The following CRIM1 variants were observed in gnomAD, a reference collection of about 807,000 sequenced individuals.
CRIM1 encodes the protein cysteine-rich motor neuron 1 protein.
In CRIM1, 32 loss-of-function variants were observed where a neutral mutation model predicts 116.4. The ratio of observed to expected loss-of-function variants is 0.27; its 90% CI spans 0.21 to 0.37. CRIM1 has a LOEUF of 0.37. Ranked by LOEUF, CRIM1 falls within the 10% of genes least tolerant of loss-of-function variation. CRIM1 has a pLI of 1.00. For missense variants in CRIM1, 1,331 were observed against 1,354.8 expected, an observed-to-expected ratio of 0.98 and a Z score of 0.28; for synonymous variants, 590 against 509.2, an observed-to-expected ratio of 1.16 and a Z score of -2.13.
rs4670559 is a variant in CRIM1, at chr2:36,445,529, A to G, written c.869+2794A>G. 7.7e-3 allele frequency among the ~76,000 whole-genome samples: 1,172 copies of G among 152,346 alleles called. 13 individuals are homozygous for G. Among genetic ancestry groups the G allele is most frequent in the Admixed American group, 0.043 (651 of 15,306 alleles). ...ATCGACTTTCATACATTGTTACTGA[A>G]TTGTCGAATGCGTGAAGTCTTGTCT... On this transcript the variant is annotated intron_variant, in intron 4 of 16. Coordinates refer to ENST00000280527, the MANE Select transcript of CRIM1 (RefSeq NM_016441.3).
intron 4 of CRIM1, among the ~76,000 whole-genome samples, chr2:36,456,854 G>A (rs3770874): frequency 0.5 from 75,434 of 151,216 alleles, 19,892 homozygotes; most frequent in African/African-American, 0.69. Flanking sequence ...AGCCACTCAC[G>A]TCAAGGTAGT....
chr2:36,385,872 G>A (rs1671131078), intron 1 of CRIM1, among the ~76,000 whole-genome samples: 1 of 152,176 alleles, frequency 6.6e-6, no homozygotes, highest in African/African-American at 2.4e-5. Flanking sequence ...CCAGTGTCTG[G>A]CACATAGAAA....
At chr2:36,364,288 A>G (rs1669441735) in intron 1 of CRIM1, among the ~76,000 whole-genome samples, 1 of 152,246 alleles carries the variant, frequency 6.6e-6, no homozygotes, top group East Asian at 1.9e-4. Context: ...ACCTATGTAT[A>G]CAGCATGTAT....
At chr2:36,361,242 G>A (rs766032629) in intron 1 of CRIM1, among the ~76,000 whole-genome samples, 47 of 152,152 alleles carry the variant, frequency 3.1e-4, no homozygotes, top group Non-Finnish European at 6.2e-4. Flanking sequence ...GATATTTGTT[G>A]CCATTCACAC....
intron 2 of CRIM1, among the ~76,000 whole-genome samples, chr2:36,418,899 C>T (rs535961589): frequency 9.2e-5 from 14 of 152,266 alleles, no homozygotes; most frequent in African/African-American, 3.1e-4. Context: ...ATGGTCCCAG[C>T]GCTGTCTTAG....
intron 6 of CRIM1, 135 bp from the exon 7 acceptor site, chr2:36,479,362 C>A: frequency 1.3e-6 from 1 of 793,872 alleles, no homozygotes; most frequent in Admixed American, 2.3e-5. Flanking sequence ...CCTCATGCAA[C>A]CCTGCGCTTC....
At chr2:36,474,009 G>T (rs776313284) in intron 5 of CRIM1, among the ~76,000 whole-genome samples, 9 of 152,066 alleles carry the variant, frequency 5.9e-5, no homozygotes, top group Non-Finnish European at 8.8e-5. Flanking sequence ...CCTCATCAGT[G>T]CTCGTTACTA....
At chr2:36,487,492 A>T (rs900124299) in intron 7 of CRIM1, among the ~76,000 whole-genome samples, 4 of 151,554 alleles carry the variant, frequency 2.6e-5, no homozygotes, top group Non-Finnish European at 5.9e-5. Context: ...AGCTTTGTAA[A>T]CCCTTGACTT....
chr2:36,452,778 G>C (rs1558601620), intron 4 of CRIM1, among the ~76,000 whole-genome samples: 1 of 152,154 alleles, frequency 6.6e-6, no homozygotes, highest in Non-Finnish European at 1.5e-5. Flanking sequence ...CTCTCAGTCA[G>C]TGGCTTCCAG....
chr2:36,543,465 G>T (rs995789814), intron 14 of CRIM1, among the ~76,000 whole-genome samples: 12 of 151,646 alleles, frequency 7.9e-5, no homozygotes, highest in African/African-American at 2.9e-4. Context: ...GCTATGGTGA[G>T]TATTTAGGAT....
chr2:36,541,724 G>A (rs565340830), intron 14 of CRIM1, among the ~76,000 whole-genome samples: 12 of 152,284 alleles, frequency 7.9e-5, no homozygotes, highest in East Asian at 3.9e-4. Context: ...GATTGTGACC[G>A]TGTGCCCGTG....
intron 2 of CRIM1, among the ~76,000 whole-genome samples, chr2:36,413,883 C>A (rs1572678074): frequency 1.3e-5 from 2 of 152,266 alleles, no homozygotes; most frequent in African/African-American, 4.8e-5. Flanking sequence ...ACCATATTGT[C>A]ATTTATCATT....
chr2:36,462,515 G>A (rs1677661597), intron 4 of CRIM1, among the ~76,000 whole-genome samples: 1 of 152,226 alleles, frequency 6.6e-6, no homozygotes, highest in African/African-American at 2.4e-5. Flanking sequence ...TTCAGTAAAG[G>A]TTGTTCAAGT....
chr2:36,397,827 C>T (rs1361261507), intron 2 of CRIM1, among the ~76,000 whole-genome samples: 1 of 152,078 alleles, frequency 6.6e-6, no homozygotes, highest in African/African-American at 2.4e-5. Context: ...GAGTAGAAAA[C>T]AATAGAAATA....
At chr2:36,477,854 G>A (rs1679104473) in intron 6 of CRIM1, among the ~76,000 whole-genome samples, 1 of 152,294 alleles carries the variant, frequency 6.6e-6, no homozygotes, top group Middle Eastern at 3.4e-3. Flanking sequence ...AAAGTCACTT[G>A]CCTGTAAAGT....
At chr2:36,395,461 T>G (rs1004199096) in intron 1 of CRIM1, among the ~76,000 whole-genome samples, 9 of 152,322 alleles carry the variant, frequency 5.9e-5, no homozygotes, top group African/African-American at 2.2e-4. Context: ...GGGTAAAGTA[T>G]CTGTTAAAGA....
At chr2:36,402,327 T>C (rs918281062) in intron 2 of CRIM1, among the ~76,000 whole-genome samples, 3 of 151,744 alleles carry the variant, frequency 2.0e-5, no homozygotes, top group African/African-American at 4.8e-5. Flanking sequence ...GTTTGCCTTA[T>C]GATGACCTGA....
At chr2:36,470,906 A>G (rs1217893430) in intron 5 of CRIM1, among the ~76,000 whole-genome samples, 3 of 152,224 alleles carry the variant, frequency 2.0e-5, no homozygotes, top group Non-Finnish European at 4.4e-5. Context: ...GCCATTAAGA[A>G]CACAGGTGAT....
At chr2:36,490,829 G>A (rs1680175228) in intron 7 of CRIM1, among the ~76,000 whole-genome samples, 1 of 152,116 alleles carries the variant, frequency 6.6e-6, no homozygotes, top group African/African-American at 2.4e-5. Context: ...TAGGCCCCAG[G>A]CCCTAACCAT....
Sources: allele counts gnomAD v4.1 joint callset (sites outside exome capture counted in the v4.1 genomes callset), GRCh38; gene constraint gnomAD v4.1.1; transcripts MANE v1.5; gene names NCBI Gene and HGNC (gene_info 2026-07-23, HGNC 2026-07-21).